Variants in GALNT10 observed in about 807,000 individuals in gnomAD.
GALNT10 encodes the protein GalNAc transferase 10.
Under a neutral mutation model 75.0 loss-of-function variants are expected in GALNT10, and 41 were observed. The observed-to-expected ratio is 0.55, with a 90% CI of 0.43 to 0.71. GALNT10 has a LOEUF of 0.71. Ranked by LOEUF, GALNT10 falls within the 30% of genes least tolerant of loss-of-function variation. GALNT10 has a pLI of 0.00. For missense variants in GALNT10, 727 were observed against 818.5 expected, an observed-to-expected ratio of 0.89 and a Z score of 1.36; for synonymous variants, 302 against 313.0, an observed-to-expected ratio of 0.96 and a Z score of 0.37.
chr5:154,198,038 A>C (rs1774971756), intron 1 of GALNT10, among the ~76,000 whole-genome samples: 1 of 152,190 alleles, frequency 6.6e-6, no homozygotes, highest in Non-Finnish European at 1.5e-5. Flanking sequence ...CATTGCCCTA[A>C]GACAGCCTCT....
At chr5:154,239,345 C>G (rs888858676) in intron 1 of GALNT10, among the ~76,000 whole-genome samples, 2 of 152,180 alleles carry the variant, frequency 1.3e-5, no homozygotes, top group African/African-American at 4.8e-5. Context: ...GGGTCCCCAA[C>G]CCCCAGGCCA....
chr5:154,349,029 G>T (rs1016848699), intron 4 of GALNT10, among the ~76,000 whole-genome samples: 7 of 151,960 alleles, frequency 4.6e-5, no homozygotes. Context: ...ATCCTAAGGG[G>T]GTGGCTCAAG....
At chr5:154,411,362 A>T (rs142400646) in intron 9 of GALNT10, among the ~76,000 whole-genome samples, 60 of 152,342 alleles carry the variant, frequency 3.9e-4, no homozygotes, top group African/African-American at 1.2e-3. Flanking sequence ...CCAACCCAGC[A>T]GAAAGTATAT....
At chr5:154,274,812 A>G (rs1753925028) in intron 1 of GALNT10, among the ~76,000 whole-genome samples, 1 of 152,246 alleles carries the variant, frequency 6.6e-6, no homozygotes, top group Non-Finnish European at 1.5e-5. Context: ...TCTTTGAAAA[A>G]TGAACATCTA....
At chr5:154,230,822 A>C (rs1250141330) in intron 1 of GALNT10, among the ~76,000 whole-genome samples, 1 of 152,222 alleles carries the variant, frequency 6.6e-6, no homozygotes, top group Non-Finnish European at 1.5e-5. Flanking sequence ...CCCTGAACCT[A>C]ATCCAGGTCA....
At chr5:154,404,245 G>C in intron 8 of GALNT10, 34 bp downstream of exon 8, 1 of 1,371,550 alleles carries the variant, frequency 7.3e-7, no homozygotes, top group Non-Finnish European at 1.0e-6. Flanking sequence ...GGGTAGAAGG[G>C]GTTGGCCTAG....
chr5:154,294,499 C>T (rs1441499411), intron 1 of GALNT10, among the ~76,000 whole-genome samples: 1 of 152,188 alleles, frequency 6.6e-6, no homozygotes, highest in East Asian at 1.9e-4. Context: ...ACATGTGGCT[C>T]ACGTTATATT....
At chr5:154,399,083 G>A (rs1313854428) in intron 7 of GALNT10, among the ~76,000 whole-genome samples, 2 of 152,190 alleles carry the variant, frequency 1.3e-5, no homozygotes, top group Non-Finnish European at 2.9e-5. Flanking sequence ...GTTGAGGAGA[G>A]TGAGGCTCCC....
rs1453434668 is a variant in GALNT10, at chr5:154,248,012, T to G, written c.160-46804T>G. On this transcript the variant is annotated intron_variant, in intron 1 of 11. Transcript: ENST00000297107. ...TCAATACCTAATTTATTGAGAGTTT[T>G]TAGCATGAAGGGCTGTTGAATTTTG... 3.3e-5 allele frequency among the ~76,000 whole-genome samples: 5 copies of G among 152,222 alleles called. No homozygotes were observed. In the East Asian group the frequency reaches 9.6e-4, roughly 29 times the overall value.
chr5:154,329,563 T>A lies in GALNT10; in HGVS notation c.402-9T>A. 1 of 1,612,496 alleles carries A rather than the reference T, an allele frequency of 6.2e-7. No homozygotes were observed. Among genetic ancestry groups the A allele is most frequent in the Non-Finnish European group, 8.5e-7 (1 of 1,178,698 alleles). On this transcript the variant is annotated splice_polypyrimidine_tract_variant and intron_variant, in intron 3 of 11. Transcript: ENST00000297107. ...CCTGTCCTCTGCCTCCCCTTATGTT[T>A]CCCTCTAGCTGCAACAGCAAGCGCT...
intron 3 of GALNT10, among the ~76,000 whole-genome samples, chr5:154,324,851 A>G (rs1429834708): frequency 6.6e-6 from 1 of 152,222 alleles, no homozygotes; most frequent in African/African-American, 2.4e-5. Context: ...CATAGAGTTT[A>G]TTGAAATGAA....
intron 3 of GALNT10, among the ~76,000 whole-genome samples, chr5:154,310,431 G>T (rs1754496388): frequency 1.7e-5 from 1 of 57,316 alleles, no homozygotes; most frequent in African/African-American, 7.0e-5. Flanking sequence ...ACCATCACTG[G>T]GTTTTTTTTG....
intron 1 of GALNT10, chr5:154,220,367 A>G (rs1029373569): frequency 2.0e-5 from 3 of 152,210 alleles, no homozygotes; most frequent in African/African-American, 7.2e-5. Context: ...GCTCACTGGG[A>G]CAAAATGGGA....
intron 8 of GALNT10, among the ~76,000 whole-genome samples, chr5:154,407,044 T>C (rs1266482060): frequency 6.6e-6 from 1 of 152,200 alleles, no homozygotes; most frequent in African/African-American, 2.4e-5. Context: ...TAGCCAGTCT[T>C]ACATTGTTTA....
At chr5:154,278,423 G>T (rs1260064457) in intron 1 of GALNT10, among the ~76,000 whole-genome samples, 2 of 152,176 alleles carry the variant, frequency 1.3e-5, no homozygotes, top group East Asian at 1.9e-4. Flanking sequence ...TCTTTTCTGT[G>T]TGACTTCAAA....
intron 4 of GALNT10, among the ~76,000 whole-genome samples, chr5:154,368,375 G>A (rs1284562099): frequency 6.6e-6 from 1 of 152,136 alleles, no homozygotes; most frequent in Non-Finnish European, 1.5e-5. Flanking sequence ...GCAAGAAATG[G>A]CTGGTTGATA....
chr5:154,389,727 C>T (rs1450232522), intron 7 of GALNT10: 1 of 151,818 alleles, frequency 6.6e-6, no homozygotes, highest in East Asian at 1.9e-4. Context: ...ATAAAAAAGA[C>T]TCCAATAAAT....
intron 3 of GALNT10, among the ~76,000 whole-genome samples, chr5:154,308,831 A>C (rs1015601173): frequency 6.6e-6 from 1 of 152,222 alleles, no homozygotes; most frequent in African/African-American, 2.4e-5. Context: ...ACTGTCTCTG[A>C]AAGCCATTTA....
chr5:154,221,647 A>G (rs1236798237), intron 1 of GALNT10, among the ~76,000 whole-genome samples: 2 of 152,212 alleles, frequency 1.3e-5, no homozygotes, highest in Non-Finnish European at 2.9e-5. Flanking sequence ...CAGGAATGCA[A>G]CCTGACATCT....
Sources: allele counts gnomAD v4.1 joint callset (sites outside exome capture counted in the v4.1 genomes callset), GRCh38; gene constraint gnomAD v4.1.1; transcripts MANE v1.5; gene names NCBI Gene and HGNC (gene_info 2026-07-23, HGNC 2026-07-21).